Variants in AKAP9 observed in about 807,000 individuals in gnomAD.
AKAP9 encodes the protein A-kinase anchoring protein 9, also known as A-kinase anchor protein 9.
Under a neutral mutation model 488.5 loss-of-function variants are expected in AKAP9, and 311 were observed. The observed-to-expected ratio is 0.64, with a 90% CI of 0.58 to 0.70. The LOEUF is 0.70. AKAP9 is among the 30% of genes least tolerant of loss of function. The pLI is 0.00. For synonymous variants in AKAP9, 1,462 were observed against 1,483.5 expected, an observed-to-expected ratio of 0.99 and a Z score of 0.33; for missense variants, 4,215 against 4,374.5, an observed-to-expected ratio of 0.96 and a Z score of 1.03.
Position 92,057,724 on chromosome 7 carries a change from G to A in AKAP9, c.5602-3536G>A, listed in dbSNP as rs899977432. ...GGAGATTTCAAACTTGACCTTCCCTGCCAGGTTCTGCTTTGAAGGCTTACT... is the reference window on the plus strand; with the variant it reads ...GGAGATTTCAAACTTGACCTTCCCTACCAGGTTCTGCTTTGAAGGCTTACT... On this transcript the variant is annotated intron_variant, in intron 22 of 49. Transcript: ENST00000356239. 24 of 221,064 alleles carry A rather than the reference G, an allele frequency of 1.1e-4. No homozygotes were observed. The Admixed American group carries it at 1.2e-3, about 11-fold the overall frequency. The allele number at this position is 221,064 out of a possible 1,614,324, so 13.7% of individuals were successfully genotyped here.
chr7:91,967,355 A>C (rs1794543853), intron 1 of AKAP9, among the ~76,000 whole-genome samples: 1 of 151,816 alleles, frequency 6.6e-6, no homozygotes, highest in Non-Finnish European at 1.5e-5. Context: ...AGTATGTTGC[A>C]TGAAAGTGGA....
chr7:92,042,255 G>A (rs1044339366), intron 19 of AKAP9, 69 bp downstream of exon 19: 6 of 1,596,942 alleles, frequency 3.8e-6, no homozygotes, highest in Non-Finnish European at 4.3e-6. Context: ...TGTCTTTGTT[G>A]TTGGTATGAG....
chr7:92,060,673 T>G (rs1298783586), intron 22 of AKAP9, among the ~76,000 whole-genome samples: 1 of 152,166 alleles, frequency 6.6e-6, no homozygotes, highest in East Asian at 1.9e-4. Flanking sequence ...AAGCTGAATA[T>G]TCATAGGAGC....
chr7:91,960,257 G>A (rs988367058), intron 1 of AKAP9, among the ~76,000 whole-genome samples: 1 of 152,034 alleles, frequency 6.6e-6, no homozygotes, highest in Non-Finnish European at 1.5e-5. Flanking sequence ...TTGTTTCATC[G>A]TGTTTGTTTT....
intron 28 of AKAP9, among the ~76,000 whole-genome samples, chr7:92,072,578 A>T (rs1811894268): frequency 6.6e-6 from 1 of 152,206 alleles, no homozygotes; most frequent in Non-Finnish European, 1.5e-5. Flanking sequence ...TCAGAGCCTA[A>T]ATTTGTATAA....
At chr7:91,972,301 A>G (rs1199517657) in intron 1 of AKAP9, among the ~76,000 whole-genome samples, 1 of 152,132 alleles carries the variant, frequency 6.6e-6, no homozygotes, top group African/African-American at 2.4e-5. Context: ...TCTGGCTGTT[A>G]GGAATATTTC....
intron 7 of AKAP9, among the ~76,000 whole-genome samples, chr7:91,999,047 A>C (rs1339648920): frequency 6.6e-6 from 1 of 152,202 alleles, no homozygotes; most frequent in Non-Finnish European, 1.5e-5. Flanking sequence ...CCAAGGCACA[A>C]GCTGATAGAA....
chr7:91,999,277 G>A (rs1798826709), intron 7 of AKAP9, among the ~76,000 whole-genome samples: 1 of 152,144 alleles, frequency 6.6e-6, no homozygotes, highest in Admixed American at 6.5e-5. Context: ...CCAGGCTGGA[G>A]TGCAATGGTG....
chr7:92,041,985 TA>T, intron 18 of AKAP9, 60 bp from the exon 19 acceptor site: 1 of 1,579,310 alleles, frequency 6.3e-7, no homozygotes, highest in Admixed American at 1.7e-5. Flanking sequence ...ATCTGCTTAA[TA>T]TTTCTACCCT....
intron 31 of AKAP9, among the ~76,000 whole-genome samples, chr7:92,080,815 C>A (rs1232031698): frequency 6.6e-6 from 1 of 152,086 alleles, no homozygotes; most frequent in Non-Finnish European, 1.5e-5. Flanking sequence ...CTTATTTGGA[C>A]CCAGTCTGCT....
intron 19 of AKAP9, 90 bp from the exon 20 acceptor site, chr7:92,042,578 C>G: frequency 1.1e-6 from 1 of 895,722 alleles, no homozygotes; most frequent in South Asian, 1.4e-5. Context: ...TATTTTATCT[C>G]ATACCAATAT....
intron 15 of AKAP9, among the ~76,000 whole-genome samples, chr7:92,030,884 T>A (rs1563014371): frequency 2.6e-5 from 4 of 152,180 alleles, no homozygotes; most frequent in African/African-American, 9.7e-5. Context: ...ACTCAGTAGA[T>A]TTTTAGCTCT....
Position 92,001,325 on chromosome 7 carries a change from G to A in AKAP9, c.1408G>A (p.Glu470Lys). 6.2e-7 allele frequency: 1 copy of A among 1,613,932 alleles called. No individual in the cohort carries two copies. Among genetic ancestry groups the A allele is most frequent in the Non-Finnish European group, 8.5e-7 (1 of 1,179,866 alleles). The change falls in exon 8 of 50, where the codon GAA becomes AAA. Residue 470 changes from glutamate to lysine, a missense_variant. Glu to Lys is a moderately conservative substitution (Grantham distance 56). Around this residue, in one of 5 missense-constraint regions of AKAP9, gnomAD observed 2,361 missense variants for 2,430.0 expected, o/e 0.97. Transcript: ENST00000356239. ...MEEMKTRHKG[E>K]MENALRSYSN... ...GGAAATGAAAACACGGCATAAGGGA[G>A]AAATGGAGAATGCTTTAAGGTCATA...
intron 8 of AKAP9, among the ~76,000 whole-genome samples, chr7:92,009,993 A>T (rs112442844): frequency 0.01 from 1,570 of 152,192 alleles, 14 homozygotes; most frequent in Middle Eastern, 0.027. Flanking sequence ...GATCCTCCCA[A>T]TTCAGCCTCC....
At chr7:91,988,734 A>G (rs557560331) in intron 3 of AKAP9, among the ~76,000 whole-genome samples, 14 of 152,214 alleles carry the variant, frequency 9.2e-5, no homozygotes, top group Non-Finnish European at 1.9e-4. Flanking sequence ...TCCTGTTTAC[A>G]TACTTCATCA....
chr7:92,032,496 CAA>C (rs56966156), intron 16 of AKAP9, among the ~76,000 whole-genome samples: 41 of 80,470 alleles, frequency 5.1e-4, no homozygotes, highest in East Asian at 1.3e-3. Flanking sequence ...AACTCCGTCT[CAA>C]AAAAAAAAAA....
At chr7:92,084,964 A>G in intron 35 of AKAP9, 24 bp downstream of exon 35, 1 of 1,609,758 alleles carries the variant, frequency 6.2e-7, no homozygotes. Flanking sequence ...GATACCTTTT[A>G]TTAACTCAGC....
intron 27 of AKAP9, among the ~76,000 whole-genome samples, 194 bp downstream of exon 27, chr7:92,070,400 TG>T (rs1472178131): frequency 9.2e-5 from 11 of 119,926 alleles, no homozygotes; most frequent in Admixed American, 5.6e-4. Flanking sequence ...TTGTTGTTGT[TG>T]TTGTTTTGTT....
In AKAP9 at chr7:92,041,101, A is replaced by T. The variant is rs1312344693; in HGVS notation, c.4917+203A>T. On this transcript the variant is annotated intron_variant, in intron 18 of 49. Coordinates refer to ENST00000356239, the MANE Select transcript of AKAP9 (RefSeq NM_005751.5). ...ACAGCAGCTTTAGATCTTGTTAGGG[A>T]CACCTATCTCAACCTTGGAGTGGGC... The T allele has an allele frequency of 5.7e-6, 3 of 528,296 alleles. No homozygotes were observed. In the African/African-American group the frequency reaches 5.7e-5, roughly 10 times the overall value. 32.7% of individuals were successfully genotyped at this position (528,296 alleles called of 1,614,324 possible).
Sources: gnomAD v4.1 joint callset for allele counts (sites outside exome capture counted in the v4.1 genomes callset) on GRCh38, gnomAD v4.1.1 for gene constraint, gnomAD v4.1.1 regional missense constraint, MANE v1.5 for transcripts, NCBI Gene and HGNC (gene_info 2026-07-23, HGNC 2026-07-21) for gene names.